CACHD1: variants seen among roughly 807,000 people sequenced by gnomAD.
CACHD1 encodes cache domain containing 1, also known as VWFA and cache domain-containing protein 1.
Under a neutral mutation model 138.7 loss-of-function variants are expected in CACHD1, and 71 were observed. The ratio of observed to expected loss-of-function variants is 0.51; its 90% CI spans 0.42 to 0.62. CACHD1 has a LOEUF of 0.62. Ranked by LOEUF, CACHD1 falls within the 20% of genes least tolerant of loss-of-function variation. The pLI is 0.00. For synonymous variants in CACHD1, 578 were observed against 591.5 expected (o/e 0.98, Z 0.33); for missense variants, 1,389 against 1,625.3 (o/e 0.85, Z 2.50).
At chr1:64,681,361 GA>G (rs1234776000) in intron 25 of CACHD1, 26 bp downstream of exon 25, 2 of 1,560,330 alleles carry the variant, frequency 1.3e-6, no homozygotes, top group Non-Finnish European at 1.8e-6. Context: ...CCTTGCTGCA[GA>G]ATGTGTCAGC....
rs571150683 is a variant in CACHD1, at chr1:64,678,288, C to A, written c.3222C>A (p.Tyr1074Ter). The change falls in exon 23 of 27, where the codon TAC (tyrosine) becomes TAA (stop). Residue 1074 changes from tyrosine (Y) to a stop codon, truncating the protein, a stop_gained. Transcript: ENST00000651257. LOFTEE classifies it high-confidence loss of function. ...FGGIVGAKSP[Y>*]VDDMGAIGDE... ...GGATTGTGGGAGCCAAAAGTCCCTA[C>A]GTTGATGACATGGGAGCAATAGGTA... 1 of 1,587,360 alleles carries A rather than the reference C, an allele frequency of 6.3e-7. No homozygotes were observed. The highest frequency in any genetic ancestry group is 2.3e-5 in the East Asian group (1 of 43,866).
At chr1:64,505,013 C>A in intron 1 of CACHD1, among the ~76,000 whole-genome samples, 1 of 152,188 alleles carries the variant, frequency 6.6e-6, no homozygotes, top group East Asian at 1.9e-4. Flanking sequence ...GAGACCAAGA[C>A]TTCCAAACTT....
intron 2 of CACHD1, among the ~76,000 whole-genome samples, chr1:64,553,252 G>A (rs189104343): frequency 1.9e-4 from 29 of 152,242 alleles, no homozygotes; most frequent in Admixed American, 1.4e-3. Flanking sequence ...TTCTCCCATG[G>A]GTTGAATTGA....
intron 2 of CACHD1, among the ~76,000 whole-genome samples, chr1:64,570,295 G>C (rs1041229713): frequency 6.6e-6 from 1 of 152,112 alleles, no homozygotes; most frequent in Non-Finnish European, 1.5e-5. Context: ...CATGTGGTGT[G>C]GTAAAACTGG....
intron 6 of CACHD1, 148 bp downstream of exon 6, chr1:64,632,891 T>A: frequency 2.1e-6 from 2 of 972,968 alleles, no homozygotes; most frequent in Non-Finnish European, 1.5e-6. Flanking sequence ...AAAATGCATT[T>A]AATACACCTG....
chr1:64,607,286 A>G (rs1269258401), intron 4 of CACHD1, among the ~76,000 whole-genome samples: 1 of 152,188 alleles, frequency 6.6e-6, no homozygotes. Flanking sequence ...AGCCAAGTGA[A>G]GAAAGTGTTG....
At position 64,652,160 on chromosome 1, in the gene CACHD1, G is replaced by A. The variant is rs865967451; in HGVS notation, c.1391-1G>A. ...AGATTTATTTTGTTTTTAACCCATA[G>A]GTTTGATAATGACTGTGAGTAAACC... On this transcript the variant is annotated splice_acceptor_variant, in intron 9 of 26. Transcript: ENST00000651257. LOFTEE classifies it high-confidence loss of function. The A allele has an allele frequency of 6.2e-7, 1 of 1,604,220 alleles. No homozygotes were observed. The highest frequency in any genetic ancestry group is 8.5e-7 in the Non-Finnish European group (1 of 1,176,862).
chr1:64,644,166 C>T (rs192463661), intron 8 of CACHD1, among the ~76,000 whole-genome samples: 8 of 152,300 alleles, frequency 5.3e-5, no homozygotes, highest in Admixed American at 1.3e-4. Context: ...TGCCTGGGCA[C>T]GTGCCCATCA....
At chr1:64,560,772 A>G (rs1646832898) in intron 2 of CACHD1, among the ~76,000 whole-genome samples, 1 of 152,082 alleles carries the variant, frequency 6.6e-6, no homozygotes, top group Non-Finnish European at 1.5e-5. Flanking sequence ...TTTATTTTCT[A>G]TCATTTGTTG....
intron 2 of CACHD1, among the ~76,000 whole-genome samples, chr1:64,555,475 A>G (rs1307698512): frequency 1.5e-4 from 23 of 152,168 alleles, no homozygotes; most frequent in Admixed American, 1.4e-3. Flanking sequence ...GCTGGAGTGC[A>G]GTGGCACGAT....
chr1:64,475,189 T>C (rs1401489050), intron 1 of CACHD1, among the ~76,000 whole-genome samples: 3 of 150,630 alleles, frequency 2.0e-5, no homozygotes, highest in African/African-American at 7.3e-5. Context: ...TTTTTTTTTT[T>C]TCTTAAGAGA....
chr1:64,536,618 C>T (rs1646634744), intron 1 of CACHD1, among the ~76,000 whole-genome samples: 1 of 152,162 alleles, frequency 6.6e-6, no homozygotes, highest in Non-Finnish European at 1.5e-5. Context: ...TCGGTCCTGC[C>T]TCTGGTTGGT....
intron 2 of CACHD1, among the ~76,000 whole-genome samples, chr1:64,579,692 A>T (rs1432985287): frequency 1.3e-5 from 2 of 152,136 alleles, no homozygotes; most frequent in Non-Finnish European, 2.9e-5. Context: ...AAAAGAGTTG[A>T]TTATTAGAAC....
chr1:64,627,122 C>G (rs1648124421), intron 4 of CACHD1, among the ~76,000 whole-genome samples: 1 of 152,124 alleles, frequency 6.6e-6, no homozygotes, highest in Admixed American at 6.6e-5. Flanking sequence ...GATAAAATCT[C>G]AGGGCTGGGC....
chr1:64,492,765 T>C (rs1246062417), intron 1 of CACHD1, among the ~76,000 whole-genome samples: 2 of 152,192 alleles, frequency 1.3e-5, no homozygotes, highest in African/African-American at 4.8e-5. Context: ...CATTTTTTCT[T>C]AGCCTAGTTT....
intron 1 of CACHD1, among the ~76,000 whole-genome samples, chr1:64,513,540 A>T (rs535723074): frequency 6.6e-6 from 1 of 152,364 alleles, no homozygotes; most frequent in African/African-American, 2.4e-5. Context: ...TGGAAGTGAT[A>T]CAGGTAGAAT....
intron 5 of CACHD1, among the ~76,000 whole-genome samples, chr1:64,630,217 A>C (rs992713151): frequency 6.6e-6 from 1 of 151,946 alleles, no homozygotes; most frequent in Non-Finnish European, 1.5e-5. Flanking sequence ...CTACACAATT[A>C]CTTTAGCTTC....
chr1:64,522,726 A>G (rs1412817386), intron 1 of CACHD1, among the ~76,000 whole-genome samples: 1 of 149,488 alleles, frequency 6.7e-6, no homozygotes, highest in Admixed American at 6.6e-5. Flanking sequence ...AAAGAAACTT[A>G]AAAAAAAAGT....
Position 64,671,675 on chromosome 1 carries a change from C to T in CACHD1, c.2499C>T (p.Gly833=). 6.2e-7 allele frequency: 1 copy of T among 1,613,938 alleles called. No homozygotes were observed. ...DLLPVCNQDG[G]NKIRCFIMED... is the part of the protein sequence containing the mutation. Reference sequence around the variant, plus strand: ...TACCTGTCTGTAACCAAGATGGTGGCAACAAAATAAGGTAAGTGCTTTGGG... The same window carrying T: ...TACCTGTCTGTAACCAAGATGGTGGTAACAAAATAAGGTAAGTGCTTTGGG... The change falls in exon 17 of 27, where the codon GGC becomes GGT. Residue 833 remains glycine (G), a synonymous_variant. Coordinates refer to ENST00000651257, the MANE Select transcript of CACHD1 (RefSeq NM_020925.4).
Sources: gnomAD v4.1 joint callset for allele counts (sites outside exome capture counted in the v4.1 genomes callset) on GRCh38, gnomAD v4.1.1 for gene constraint, MANE v1.5 for transcripts, NCBI Gene and HGNC (gene_info 2026-07-23, HGNC 2026-07-21) for gene names.